PTPRG: variants seen among roughly 807,000 people sequenced by gnomAD.
The protein encoded by PTPRG is protein tyrosine phosphatase receptor type G.
A neutral mutation model predicts 165.3 loss-of-function variants in PTPRG; 102 were observed. That is an observed-to-expected ratio of 0.62 (90% CI 0.53 to 0.73). The LOEUF (loss-of-function observed/expected upper bound fraction) is 0.73, where lower values mean the gene tolerates loss of function less well. PTPRG is among the 30% of genes least tolerant of loss of function. The pLI is 0.00. For missense variants in PTPRG, 1,866 were observed against 1,861.4 expected, an observed-to-expected ratio of 1.00 and a Z score of -0.05; for synonymous variants, 675 against 669.5, an observed-to-expected ratio of 1.01 and a Z score of -0.13.
chr3:62,155,416 A>C (rs911774781), intron 6 of PTPRG, among the ~76,000 whole-genome samples: 2 of 152,174 alleles, frequency 1.3e-5, no homozygotes, highest in East Asian at 3.9e-4. Flanking sequence ...TGAATAATAA[A>C]AGCCTGGATT....
At chr3:62,215,668 C>T (rs1339869759) in intron 12 of PTPRG, among the ~76,000 whole-genome samples, 1 of 151,188 alleles carries the variant, frequency 6.6e-6, no homozygotes, top group Non-Finnish European at 1.5e-5. Context: ...GCCTTGTCTT[C>T]AGGACCTTCA....
Position 62,210,424 on chromosome 3 carries a change from A to G in PTPRG, c.2155+6474A>G, listed in dbSNP as rs747105619. Among the ~76,000 whole-genome samples, 1 of 152,204 alleles carries G rather than the reference A, an allele frequency of 6.6e-6. No homozygotes were observed. The highest frequency in any genetic ancestry group is 1.5e-5 in the Non-Finnish European group (1 of 68,046). ...CTTCTATCAAAAATATAGAAAATAA[A>G]TGTTGGCAGAAATGTGGAAAGAAGG... On this transcript the variant is annotated intron_variant, in intron 12 of 29. Transcript: ENST00000474889. This position sits in a 1 kb window ranked among gnomAD's most constrained non-coding sequence, Gnocchi z 4.1.
intron 1 of PTPRG, among the ~76,000 whole-genome samples, chr3:61,697,027 T>C (rs1216173490): frequency 6.6e-6 from 1 of 152,290 alleles, no homozygotes; most frequent in African/African-American, 2.4e-5. Context: ...TACTCCAAAA[T>C]ATGGCACCTT....
At chr3:62,030,475 A>G (rs538171145) in intron 4 of PTPRG, among the ~76,000 whole-genome samples, 19 of 152,302 alleles carry the variant, frequency 1.2e-4, no homozygotes, top group African/African-American at 4.3e-4. Context: ...GTTTCATTCT[A>G]TGGACTTATT....
At chr3:61,622,100 T>C (rs1701475123) in intron 1 of PTPRG, among the ~76,000 whole-genome samples, 1 of 152,234 alleles carries the variant, frequency 6.6e-6, no homozygotes, top group South Asian at 2.1e-4. Context: ...GGTGTTCTTT[T>C]ACTTTCCTTT....
chr3:61,613,228 T>C (rs1701221769), intron 1 of PTPRG, among the ~76,000 whole-genome samples: 1 of 152,230 alleles, frequency 6.6e-6, no homozygotes, highest in African/African-American at 2.4e-5. Flanking sequence ...TTTTACTTTC[T>C]GACTTAATGC....
Position 61,997,683 on chromosome 3 carries a change from G to A in PTPRG, c.371-5666G>A, listed in dbSNP as rs986593556. On this transcript the variant is annotated intron_variant, in intron 3 of 29. Transcript: ENST00000474889. The stretch of plus-strand genomic sequence containing the variant: ...TTGGGACCTGTCCTTCCCATCGGCT[G>A]TAAGTTCCATAAGGGCAAGAGTTGT... 5.9e-5 allele frequency among the ~76,000 whole-genome samples: 9 copies of A among 152,298 alleles called. No homozygotes were observed. In the East Asian group the frequency reaches 1.7e-3, roughly 29 times the overall value.
chr3:62,050,916 C>G (rs528605871), intron 4 of PTPRG, among the ~76,000 whole-genome samples: 1 of 152,296 alleles, frequency 6.6e-6, no homozygotes, highest in East Asian at 1.9e-4. Context: ...GGAAAGTTCT[C>G]TATTAATACT....
rs1241673598 is a variant in PTPRG at position 62,203,260 on chromosome 3, T to G, written c.1465T>G (p.Phe489Val). 8 of 1,613,880 alleles carry G rather than the reference T, an allele frequency of 5.0e-6. No individual in the cohort carries two copies. Among genetic ancestry groups the G allele is most frequent in the Non-Finnish European group, 6.8e-6 (8 of 1,180,000 alleles). ...GACGTCCTCTGGCATCCCATTCTCA[T>G]TTGTTTCCATGGCAACTGGGATGGG... Reference protein sequence around the residue: ...TWTSSGIPFSFVSMATGMGPS... With the variant: ...TWTSSGIPFSVVSMATGMGPS... The change falls in exon 12 of 30, where the codon TTT (phenylalanine) becomes GTT (valine). Residue 489 changes from phenylalanine (F) to valine (V), a missense_variant. Transcript: ENST00000474889. This position sits in a 1 kb window ranked among gnomAD's most constrained non-coding sequence, Gnocchi z 6.4.
intron 1 of PTPRG, among the ~76,000 whole-genome samples, chr3:61,680,380 T>C (rs1703389977): frequency 6.6e-6 from 1 of 151,756 alleles, no homozygotes; most frequent in African/African-American, 2.4e-5. Flanking sequence ...TCGGCCTGCA[T>C]GAATGTGCTC....
At chr3:61,653,739 T>A (rs1266731917) in intron 1 of PTPRG, among the ~76,000 whole-genome samples, 1 of 152,156 alleles carries the variant, frequency 6.6e-6, no homozygotes, top group African/African-American at 2.4e-5. Flanking sequence ...CCTCTTCCTG[T>A]ATAAGGGCCC....
chr3:61,880,819 TG>T (rs1267008275), intron 2 of PTPRG, among the ~76,000 whole-genome samples: 2 of 152,080 alleles, frequency 1.3e-5, no homozygotes, highest in African/African-American at 4.8e-5. Context: ...CACGGTAACG[TG>T]GATTAGCATT....
chr3:62,017,656 C>T (rs1002105984), intron 4 of PTPRG, among the ~76,000 whole-genome samples: 3 of 150,966 alleles, frequency 2.0e-5, no homozygotes, highest in African/African-American at 7.3e-5. Flanking sequence ...GATCTCCTGA[C>T]CTCGTGATCC....
chr3:62,062,874 A>G (rs6805441), intron 4 of PTPRG, among the ~76,000 whole-genome samples: 149,282 of 151,680 alleles, frequency 0.98, 73,474 homozygotes, highest in East Asian at 1. Flanking sequence ...GGCTGTTTTC[A>G]AACTCCTGAA....
At position 62,273,329 on chromosome 3, in the gene PTPRG, G is replaced by C. The variant is rs1255680219; in HGVS notation, c.3318+248G>C. Among the ~76,000 whole-genome samples the C allele has an allele frequency of 1.3e-5, 2 of 152,192 alleles. No homozygotes were observed. Among genetic ancestry groups the C allele is most frequent in the African/African-American group, 2.4e-5 (1 of 41,460 alleles). On this transcript the variant is annotated intron_variant, in intron 22 of 29. Coordinates refer to ENST00000474889, the MANE Select transcript of PTPRG (RefSeq NM_002841.4). The surrounding 1 kb of genome is among the most constrained non-coding windows in gnomAD (Gnocchi z 4.1). ...CGAAAGAGATACAGTTGTTTCAAGA[G>C]CTGTGTTAGATGGTAGGGGGAGTTA... is the stretch of plus-strand genomic sequence containing the variant.
intron 3 of PTPRG, among the ~76,000 whole-genome samples, chr3:61,991,459 A>G (rs978159687): frequency 2.6e-5 from 4 of 151,508 alleles, no homozygotes; most frequent in African/African-American, 9.7e-5. Context: ...CCTCGCCTCG[A>G]CCTCCCAAAG....
At chr3:62,007,946 A>G (rs960630311) in intron 4 of PTPRG, among the ~76,000 whole-genome samples, 6 of 152,238 alleles carry the variant, frequency 3.9e-5, no homozygotes, top group African/African-American at 1.2e-4. Flanking sequence ...ATGTGGTACA[A>G]CAGACTTTGC....
chr3:61,951,204 C>CT (rs559003913), intron 2 of PTPRG, among the ~76,000 whole-genome samples: 53 of 152,322 alleles, frequency 3.5e-4, no homozygotes, highest in African/African-American at 1.3e-3. Flanking sequence ...CAGTTGAACT[C>CT]TTTTTCCTAG....
At chr3:61,640,747 G>A (rs1400361147) in intron 1 of PTPRG, among the ~76,000 whole-genome samples, 2 of 152,226 alleles carry the variant, frequency 1.3e-5, no homozygotes, top group African/African-American at 4.8e-5. Context: ...AAAAGGCAAT[G>A]TAGTAATTTA....
Sources: gnomAD v4.1 joint callset for allele counts (sites outside exome capture counted in the v4.1 genomes callset) on GRCh38, gnomAD v4.1.1 for gene constraint, Gnocchi (gnomAD v3.1) non-coding constraint, MANE v1.5 for transcripts, NCBI Gene and HGNC (gene_info 2026-07-23, HGNC 2026-07-21) for gene names.